The following RIN2 variants were observed in gnomAD, a reference collection of about 807,000 sequenced individuals.
RIN2 encodes Ras and Rab interactor 2.
Under a neutral mutation model 78.0 loss-of-function variants are expected in RIN2, and 36 were observed. That is an observed-to-expected ratio of 0.46 (90% CI 0.35 to 0.61). The LOEUF is 0.61. Ranked by LOEUF, RIN2 falls within the 20% of genes least tolerant of loss-of-function variation. The pLI is 0.00. For missense variants in RIN2, 1,087 were observed against 1,159.7 expected (o/e 0.94, Z 0.91); for synonymous variants, 466 against 466.8 (o/e 1.00, Z 0.02).
intron 1 of RIN2, among the ~76,000 whole-genome samples, chr20:19,785,345 T>C (rs1409331369): frequency 6.6e-6 from 1 of 151,910 alleles, no homozygotes; most frequent in African/African-American, 2.4e-5. Context: ...TAATTAAATG[T>C]CCTAACATAA....
chr20:19,990,393 T>G lies in RIN2; in HGVS notation c.2068+82T>G, dbSNP rs902186276. On this transcript the variant is annotated intron_variant, in intron 10 of 12. Coordinates refer to ENST00000255006, the MANE Select transcript of RIN2 (RefSeq NM_018993.4). The stretch of plus-strand genomic sequence containing the variant: ...CCTCTCTCCTGTCAGGCTTTCTGAT[T>G]CCCAATTTCTCCTCCCTTTGGTCTC... The G allele has an allele frequency of 3.1e-6, 4 of 1,303,328 alleles. No homozygotes were observed. The African/African-American group carries it at 5.9e-5, about 19-fold the overall frequency. 80.7% of individuals were successfully genotyped at this position (1,303,328 alleles called of 1,614,324 possible). A position where few individuals can be genotyped will look rare whatever the true frequency, so the allele number is the denominator to read the frequency against.
intron 2 of RIN2, among the ~76,000 whole-genome samples, chr20:19,808,793 AGAAT>A (rs1024461486): frequency 1.2e-4 from 18 of 152,248 alleles, no homozygotes; most frequent in Non-Finnish European, 2.2e-4. Context: ...AGTGATGTAT[AGAAT>A]CCTGGGACTA....
At chr20:19,762,135 G>C (rs2033665179) in intron 1 of RIN2, among the ~76,000 whole-genome samples, 1 of 152,178 alleles carries the variant, frequency 6.6e-6, no homozygotes, top group Non-Finnish European at 1.5e-5. Flanking sequence ...CTCAGACCTG[G>C]AACAGAAGCC....
At chr20:19,811,218 G>A (rs1165102678) in intron 2 of RIN2, among the ~76,000 whole-genome samples, 1 of 152,166 alleles carries the variant, frequency 6.6e-6, no homozygotes, top group Non-Finnish European at 1.5e-5. Context: ...AAATGGGAGA[G>A]AGAAGGGAAA....
At chr20:19,923,165 C>T (rs920581008) in intron 3 of RIN2, among the ~76,000 whole-genome samples, 2 of 152,146 alleles carry the variant, frequency 1.3e-5, no homozygotes, top group Admixed American at 6.6e-5. Flanking sequence ...CGCCTGTAAT[C>T]GCAGCACTTT....
At chr20:19,974,378 T>G (rs930320061) in intron 8 of RIN2, among the ~76,000 whole-genome samples, 1 of 152,196 alleles carries the variant, frequency 6.6e-6, no homozygotes, top group Non-Finnish European at 1.5e-5. Context: ...CCAACTTACC[T>G]GTGAAAAGGC....
intron 4 of RIN2, among the ~76,000 whole-genome samples, chr20:19,945,156 A>G (rs1221050747): frequency 6.6e-6 from 1 of 152,240 alleles, no homozygotes; most frequent in Admixed American, 6.5e-5. Flanking sequence ...TAATGGGTGC[A>G]GGCCTCACAG....
chr20:19,862,079 C>T (rs759901517), intron 2 of RIN2, among the ~76,000 whole-genome samples: 1 of 152,250 alleles, frequency 6.6e-6, no homozygotes, highest in African/African-American at 2.4e-5. Flanking sequence ...GCCACTATCC[C>T]CCAAGTGGAG....
intron 3 of RIN2, among the ~76,000 whole-genome samples, chr20:19,920,220 C>A (rs576092055): frequency 7.3e-5 from 11 of 149,724 alleles, no homozygotes; most frequent in Admixed American, 2.0e-4. Flanking sequence ...GGCGTGAACC[C>A]GGGAGGGGGA....
chr20:19,794,532 C>CAAAA (rs10530809), intron 1 of RIN2, among the ~76,000 whole-genome samples: 2 of 88,582 alleles, frequency 2.3e-5, no homozygotes, highest in Non-Finnish European at 4.4e-5. Flanking sequence ...ACCCTGTATC[C>CAAAA]AAAAAAAAAA....
At chr20:19,887,836 A>C (rs1223618103) in intron 2 of RIN2, among the ~76,000 whole-genome samples, 2 of 152,222 alleles carry the variant, frequency 1.3e-5, no homozygotes, top group African/African-American at 4.8e-5. Flanking sequence ...AATGTCTGAA[A>C]TAAAAAGAAT....
intron 2 of RIN2, among the ~76,000 whole-genome samples, chr20:19,885,478 C>A (rs2038152099): frequency 6.6e-6 from 1 of 152,020 alleles, no homozygotes; most frequent in Non-Finnish European, 1.5e-5. Flanking sequence ...CCAGCCTGGC[C>A]AACATGGTAA....
chr20:19,997,658 C>T (rs531858161), intron 12 of RIN2, among the ~76,000 whole-genome samples: 2 of 152,100 alleles, frequency 1.3e-5, no homozygotes, highest in South Asian at 4.2e-4. Flanking sequence ...ACTTGGGAGG[C>T]TGAGGCAGGA....
At chr20:19,788,521 G>T (rs1456181016) in intron 1 of RIN2, among the ~76,000 whole-genome samples, 1 of 149,956 alleles carries the variant, frequency 6.7e-6, no homozygotes, top group African/African-American at 2.5e-5. Context: ...AGAATCACCT[G>T]ATCCCAGTAG....
intron 2 of RIN2, among the ~76,000 whole-genome samples, chr20:19,872,697 T>C (rs539460094): frequency 1.2e-4 from 19 of 152,266 alleles, no homozygotes; most frequent in African/African-American, 4.6e-4. Flanking sequence ...ACATGTTCAG[T>C]CTTAAAGGAT....
At chr20:19,758,746 A>C (rs1211858742) in intron 1 of RIN2, among the ~76,000 whole-genome samples, 3 of 151,426 alleles carry the variant, frequency 2.0e-5, no homozygotes, top group Non-Finnish European at 2.9e-5. Flanking sequence ...TTCTACCTGC[A>C]GGGCTGCCTG....
chr20:19,868,739 G>C (rs2037586790), intron 2 of RIN2, among the ~76,000 whole-genome samples: 1 of 152,132 alleles, frequency 6.6e-6, no homozygotes, highest in South Asian at 2.1e-4. Context: ...AGGTAATGAA[G>C]GGAAGCTAGC....
At chr20:19,830,355 T>C (rs1013462479) in intron 2 of RIN2, among the ~76,000 whole-genome samples, 2 of 152,172 alleles carry the variant, frequency 1.3e-5, no homozygotes, top group African/African-American at 4.8e-5. Flanking sequence ...GGCATGACCT[T>C]AGAATCCTTT....
chr20:19,883,764 T>C (rs554303577), intron 2 of RIN2, among the ~76,000 whole-genome samples: 1 of 152,056 alleles, frequency 6.6e-6, no homozygotes, highest in Non-Finnish European at 1.5e-5. Flanking sequence ...AGAGTTTCTA[T>C]GAGTCTGTGA....
Sources: allele counts gnomAD v4.1 joint callset (sites outside exome capture counted in the v4.1 genomes callset), GRCh38; gene constraint gnomAD v4.1.1; transcripts MANE v1.5; gene names NCBI Gene and HGNC (gene_info 2026-07-23, HGNC 2026-07-21).